The following ANKRD31 variants were observed in gnomAD, a reference collection of about 807,000 sequenced individuals.
ANKRD31 encodes ankyrin repeat domain 31.
Under a neutral mutation model 186.0 loss-of-function variants are expected in ANKRD31, and 147 were observed. That is an observed-to-expected ratio of 0.79 (90% CI 0.69 to 0.91). ANKRD31 has a LOEUF of 0.91. Among genes scored for constraint, ANKRD31 ranks in the 40% least tolerant of loss-of-function variants. ANKRD31 has a pLI of 0.00. For synonymous variants in ANKRD31, 673 were observed against 736.4 expected (o/e 0.91, Z 1.39); for missense variants, 1,986 against 2,148.8 (o/e 0.92, Z 1.50).
At chr5:75,141,632 C>T (rs902173524) in intron 15 of ANKRD31, among the ~76,000 whole-genome samples, 10 of 151,474 alleles carry the variant, frequency 6.6e-5, no homozygotes, top group African/African-American at 1.9e-4. Flanking sequence ...AGCGAGACTC[C>T]GTTTCAAAAA....
At chr5:75,211,965 A>C (rs1459419258) in intron 3 of ANKRD31, among the ~76,000 whole-genome samples, 1 of 152,142 alleles carries the variant, frequency 6.6e-6, no homozygotes, top group African/African-American at 2.4e-5. Context: ...TTGACGCTCA[A>C]AAGTTTTTAA....
At chr5:75,134,786 G>A (rs1330433700) in intron 17 of ANKRD31, among the ~76,000 whole-genome samples, 8 of 152,024 alleles carry the variant, frequency 5.3e-5, no homozygotes, top group South Asian at 2.1e-4. Context: ...CTGGCAAACC[G>A]AATCCAGTAG....
intron 19 of ANKRD31, among the ~76,000 whole-genome samples, chr5:75,115,460 A>C (rs916111955): frequency 6.6e-6 from 1 of 151,982 alleles, no homozygotes; most frequent in Non-Finnish European, 1.5e-5. Context: ...CTACCATCAG[A>C]GTGAACAGGC....
chr5:75,209,172 T>C (rs188742212), intron 4 of ANKRD31, among the ~76,000 whole-genome samples: 17 of 152,332 alleles, frequency 1.1e-4, no homozygotes, highest in Non-Finnish European at 1.5e-5. Flanking sequence ...TCTTGCACTT[T>C]TGAATGAGTC....
At position 75,146,422 on chromosome 5, in the gene ANKRD31, A is replaced by C. The variant is rs1751443158; in HGVS notation, c.2989T>G (p.Ser997Ala). Reference protein sequence around the residue: ...ANYEQCIFGPSFDHSNGNPEQ... With the variant: ...ANYEQCIFGPAFDHSNGNPEQ... Reference sequence around the variant, plus strand: ...GGATTGCCATTTGAGTGATCAAAAGAAGGTCCAAATATGCATTGTTCATAA... The same window carrying C: ...GGATTGCCATTTGAGTGATCAAAAGCAGGTCCAAATATGCATTGTTCATAA... Residue 997 changes from serine (S) to alanine (A), a missense_variant, in exon 14 of 26, where the codon TCT becomes GCT. Transcript: ENST00000506364. The C allele has an allele frequency of 3.9e-6, 6 of 1,536,584 alleles. No individual in the cohort carries two copies. Among genetic ancestry groups the C allele is most frequent in the Non-Finnish European group, 5.2e-6 (6 of 1,146,490 alleles).
intron 15 of ANKRD31, among the ~76,000 whole-genome samples, chr5:75,141,454 T>C (rs1307585135): frequency 6.6e-6 from 1 of 152,030 alleles, no homozygotes; most frequent in East Asian, 1.9e-4. Flanking sequence ...CTCTCCCAGC[T>C]GGGCACAGTG....
intron 11 of ANKRD31, 111 bp downstream of exon 11, chr5:75,168,868 C>T: frequency 9.6e-7 from 1 of 1,045,482 alleles, no homozygotes; most frequent in Non-Finnish European, 1.3e-6. Context: ...TATTCATTAG[C>T]AGAATGAAAT....
In ANKRD31 at chr5:75,146,523, A is replaced by G. The variant is rs1751450062; in HGVS notation, c.2888T>C (p.Leu963Pro). 6.5e-7 allele frequency: 1 copy of G among 1,536,566 alleles called. No homozygotes were observed. Among genetic ancestry groups the G allele is most frequent in the South Asian group, 1.2e-5 (1 of 84,032 alleles). ...AGCTTCCTGTTCTGGAAGTGTGGTT[A>G]GGCTGACTGCTTTTAACTCATTTTC... ...SQENELKAVS[L>P]TTLPEQEAVN... is the part of the protein sequence containing the mutation. Residue 963 changes from leucine to proline, a missense_variant, in exon 14 of 26, where the codon CTA (leucine) becomes CCA (proline). Coordinates refer to ENST00000506364, the MANE Select transcript of ANKRD31 (RefSeq NM_001372053.1).
chr5:75,128,805 T>C (rs1749478778), intron 17 of ANKRD31, among the ~76,000 whole-genome samples: 1 of 152,054 alleles, frequency 6.6e-6, no homozygotes, highest in Non-Finnish European at 1.5e-5. Flanking sequence ...TGAGCCAACA[T>C]GCCTGGCCAA....
intron 11 of ANKRD31, among the ~76,000 whole-genome samples, chr5:75,166,372 G>A (rs1467215156): frequency 6.6e-6 from 1 of 152,288 alleles, no homozygotes; most frequent in East Asian, 1.9e-4. Context: ...TCAAGAGGCT[G>A]AGGCACAAGA....
At chr5:75,131,257 G>C (rs911352145) in intron 17 of ANKRD31, among the ~76,000 whole-genome samples, 1 of 152,246 alleles carries the variant, frequency 6.6e-6, no homozygotes, top group Non-Finnish European at 1.5e-5. Context: ...AGGGCCCCTG[G>C]AGCGTGGCAA....
At chr5:75,173,231 C>T (rs143536071) in intron 10 of ANKRD31, among the ~76,000 whole-genome samples, 2,752 of 152,120 alleles carry the variant, frequency 0.018, 44 homozygotes, top group Middle Eastern at 0.044. Flanking sequence ...ATTGATGGGA[C>T]GTATCTCAAA....
At chr5:75,103,732 A>G (rs1747098129) in intron 22 of ANKRD31, among the ~76,000 whole-genome samples, 1 of 152,222 alleles carries the variant, frequency 6.6e-6, no homozygotes, top group African/African-American at 2.4e-5. Context: ...CATTATCTTC[A>G]GCAAACTAAC....
chr5:75,171,019 C>T (rs1409406524), intron 10 of ANKRD31, among the ~76,000 whole-genome samples: 1 of 151,816 alleles, frequency 6.6e-6, no homozygotes, highest in Non-Finnish European at 1.5e-5. Flanking sequence ...CAGACAATTC[C>T]ACAATCACAT....
chr5:75,190,312 C>T (rs1419810871), intron 9 of ANKRD31, among the ~76,000 whole-genome samples: 4 of 152,162 alleles, frequency 2.6e-5, no homozygotes, highest in Admixed American at 1.3e-4. Context: ...TGAGCCACTG[C>T]ACGTGGCCTG....
intron 19 of ANKRD31, among the ~76,000 whole-genome samples, chr5:75,114,902 AACT>A (rs1185197260): frequency 6.6e-6 from 1 of 152,148 alleles, no homozygotes; most frequent in Non-Finnish European, 1.5e-5. Context: ...AATTGGAAAA[AACT>A]ACTTGAAAGT....
chr5:75,068,653 C>A lies in ANKRD31; in HGVS notation c.5659G>T (p.Glu1887Ter). Residue 1887 changes from glutamate (E) to a stop codon, truncating the protein, a stop_gained, in exon 26 of 26, where the codon GAG (glutamate) becomes TAG (stop). Transcript: ENST00000506364. LOFTEE classifies it high-confidence loss of function. ...KTKFGQGTSR[E>*]SMQSSPRYLQ... ...TAACGTGGGCTGCTTTGCATTGACT[C>A]TCTGGAAGTTCCTGTTTAAAGAAGT... 1 of 1,497,342 alleles carries A rather than the reference C, an allele frequency of 6.7e-7. No individual in the cohort carries two copies. The highest frequency in any genetic ancestry group is 8.8e-7 in the Non-Finnish European group (1 of 1,130,772). The allele number at this position is 1,497,342 out of a possible 1,614,324, so 92.8% of individuals were successfully genotyped here. A position where few individuals can be genotyped will look rare whatever the true frequency, so the allele number is the denominator to read the frequency against.
intron 12 of ANKRD31, 26 bp from the exon 13 acceptor site, chr5:75,148,654 G>T: frequency 6.6e-7 from 1 of 1,504,446 alleles, no homozygotes; most frequent in Non-Finnish European, 8.9e-7. Context: ...GAAAATCAAT[G>T]AAAACAGCTT....
chr5:75,145,848 A>G (rs565217374), intron 14 of ANKRD31, 139 bp downstream of exon 14: 2 of 685,466 alleles, frequency 2.9e-6, no homozygotes, highest in South Asian at 6.3e-5. Flanking sequence ...TACTAGGTTT[A>G]GTGGCATCTC....
Sources: gnomAD v4.1 joint callset for allele counts (sites outside exome capture counted in the v4.1 genomes callset) on GRCh38, gnomAD v4.1.1 for gene constraint, MANE v1.5 for transcripts, NCBI Gene and HGNC (gene_info 2026-07-23, HGNC 2026-07-21) for gene names.